The following CD74 variants were observed in gnomAD, a reference collection of about 807,000 sequenced individuals.
The protein encoded by CD74 is HLA class II histocompatibility antigen gamma chain.
A neutral mutation model predicts 37.1 loss-of-function variants in CD74; 20 were observed. The ratio of observed to expected loss-of-function variants is 0.54; its 90% CI spans 0.38 to 0.78. CD74 has a LOEUF of 0.78. CD74 is among the 30% of genes least tolerant of loss of function. The pLI, the probability that CD74 is intolerant of heterozygous loss-of-function variation, is 0.00. For missense variants in CD74, 338 were observed against 389.5 expected (o/e 0.87, Z 1.11); for synonymous variants, 150 against 152.0 (o/e 0.99, Z 0.10).
In CD74 at chr5:150,404,719, G is replaced by C; in HGVS notation, c.586C>G (p.His196Asp). 2 of 1,588,202 alleles carry C rather than the reference G, an allele frequency of 1.3e-6. No individual in the cohort carries two copies. Among genetic ancestry groups the C allele is most frequent in the Non-Finnish European group, 1.7e-6 (2 of 1,166,864 alleles). Residue 196 changes from histidine to aspartate, a missense_variant, in exon 6 of 9, where the codon CAC becomes GAC. Physicochemically the swap from His to Asp is moderately conservative, Grantham distance 81 (BLOSUM62 -1). Transcript: ENST00000009530. ...HHWLLFEMSR[H>D]SLEQKPTDAP... ...TCAGTGGGCTTTTGCTCCAAGGAGT[G>C]CCTGCTCATTTCAAACAGGAGCCAA... is the stretch of plus-strand genomic sequence containing the variant.
At chr5:150,409,017 C>G (rs1160831338) in intron 1 of CD74, among the ~76,000 whole-genome samples, 1 of 152,078 alleles carries the variant, frequency 6.6e-6, no homozygotes, top group Non-Finnish European at 1.5e-5. Context: ...GCCAGGAGTT[C>G]GAGACCAGTC....
chr5:150,402,684 G>T lies in CD74; in HGVS notation c.818-59C>A. ...AAGTGCAGCCTACCTGACCCAAGAT[G>T]CCTGAGGGCAGTGCTTCCCACCTAG... is the stretch of plus-strand genomic sequence containing the variant. On this transcript the variant is annotated intron_variant, in intron 7 of 8. Transcript: ENST00000009530. The surrounding 1 kb of genome is among the most constrained non-coding windows in gnomAD (Gnocchi z 4.2). The T allele has an allele frequency of 1.4e-6, 2 of 1,446,706 alleles. No individual in the cohort carries two copies. Among genetic ancestry groups the T allele is most frequent in the East Asian group, 2.3e-5 (1 of 43,784 alleles). The allele number at this position is 1,446,706 out of a possible 1,614,324, so 89.6% of individuals were successfully genotyped here.
In CD74 at chr5:150,412,664, T is replaced by C. The variant is rs1348830130; in HGVS notation, c.86A>G (p.Gln29Arg). 6.2e-7 allele frequency: 1 copy of C among 1,614,022 alleles called. No individual in the cohort carries two copies. ...AGGGCGCCGGCCCAGCATGGGCAGT[T>C]GCTCATTGTTGGAGATAAGGTCGCG... ...DQRDLISNNEQLPMLGRRPGA... is the reference protein window; with the variant it reads ...DQRDLISNNERLPMLGRRPGA... The change falls in exon 1 of 9, where the codon CAA (glutamine) becomes CGA (arginine). Residue 29 changes from glutamine to arginine, a missense_variant. Transcript: ENST00000009530.
At position 150,406,281 on chromosome 5, in the gene CD74, T is replaced by G; in HGVS notation, c.419A>C (p.Asp140Ala). 6.2e-7 allele frequency: 1 copy of G among 1,613,906 alleles called. No homozygotes were observed. Among genetic ancestry groups the G allele is most frequent in the Non-Finnish European group, 8.5e-7 (1 of 1,179,902 alleles). Residue 140 changes from aspartate to alanine, a missense_variant, in exon 4 of 9, where the codon GAC becomes GCC. Transcript: ENST00000009530. ...CACCTGGAGCAGGTGCATCACATGGTCCTCTGTCATGTTGCCATACTTGGT... is the reference window on the plus strand; with the variant it reads ...CACCTGGAGCAGGTGCATCACATGGGCCTCTGTCATGTTGCCATACTTGGT... Reference protein sequence around the residue: ...NATKYGNMTEDHVMHLLQNAD... With the variant: ...NATKYGNMTEAHVMHLLQNAD...
rs771012514 is a variant in CD74, at chr5:150,412,688, C to T, written c.62G>A (p.Arg21His). 1.6e-5 allele frequency: 26 copies of T among 1,613,962 alleles called. No individual in the cohort carries two copies. Among genetic ancestry groups the T allele is most frequent in the Non-Finnish European group, 2.0e-5 (24 of 1,180,014 alleles). ...EDQKPVMDDQ[R>H]DLISNNEQLP... ...TTGCTCATTGTTGGAGATAAGGTCGCGCTGGTCATCCATGACTGGCTTCTG... is the reference window on the plus strand; with the variant it reads ...TTGCTCATTGTTGGAGATAAGGTCGTGCTGGTCATCCATGACTGGCTTCTG... Residue 21 changes from arginine to histidine, a missense_variant, in exon 1 of 9, where the codon CGC (arginine) becomes CAC (histidine). Arg to His is a conservative substitution (Grantham distance 29). Transcript: ENST00000009530.
At chr5:150,404,169 T>C (rs1370738934) in intron 6 of CD74, among the ~76,000 whole-genome samples, 1 of 152,204 alleles carries the variant, frequency 6.6e-6, no homozygotes, top group Non-Finnish European at 1.5e-5. Flanking sequence ...TGTCCAAAGT[T>C]ACATAGCAAA....
rs1769689830 is a variant in CD74 at position 150,402,452 on chromosome 5, A to C, written c.880+111T>G. The C allele has an allele frequency of 9.8e-7, 1 of 1,019,958 alleles. No homozygotes were observed. Among genetic ancestry groups the C allele is most frequent in the African/African-American group, 1.6e-5 (1 of 63,544 alleles). 63.2% of individuals were successfully genotyped at this position (1,019,958 alleles called of 1,614,324 possible). On this transcript the variant is annotated intron_variant, in intron 8 of 8. Transcript: ENST00000009530. The surrounding 1 kb of genome is among the most constrained non-coding windows in gnomAD (Gnocchi z 4.2). Reference sequence around the variant, plus strand: ...CCTTCGTCTGTGAAATGGACATCCCAGGAATGTTGGAGAGTGGCCCAGCGT... The same window carrying C: ...CCTTCGTCTGTGAAATGGACATCCCCGGAATGTTGGAGAGTGGCCCAGCGT...
rs1030788770 is a variant in CD74, at chr5:150,402,855, C to T, written c.818-230G>A. On this transcript the variant is annotated intron_variant, in intron 7 of 8. Coordinates refer to ENST00000009530, the MANE Select transcript of CD74 (RefSeq NM_001025159.3). The surrounding 1 kb of genome is among the most constrained non-coding windows in gnomAD (Gnocchi z 4.2). ...AGGACTCCTGGATGCTAGAGGATGGCGCGTGGATGGATGAAATTCACAGAT... is the reference window on the plus strand; with the variant it reads ...AGGACTCCTGGATGCTAGAGGATGGTGCGTGGATGGATGAAATTCACAGAT... Among the ~76,000 whole-genome samples the T allele has an allele frequency of 2.6e-5, 4 of 152,062 alleles. No homozygotes were observed. The highest frequency in any genetic ancestry group is 4.8e-5 in the African/African-American group (2 of 41,382).
Position 150,407,051 on chromosome 5 carries a change from G to A in CD74, c.299-91C>T, listed in dbSNP as rs552398847. Reference sequence around the variant, plus strand: ...TGAGGAAGGGCTGGAATTCCAAACCGGAGGGAGAGGACAGTGGGCCCAGCT... The same window carrying A: ...TGAGGAAGGGCTGGAATTCCAAACCAGAGGGAGAGGACAGTGGGCCCAGCT... On this transcript the variant is annotated intron_variant, in intron 2 of 8. Transcript: ENST00000009530. The surrounding 1 kb of genome is among the most constrained non-coding windows in gnomAD (Gnocchi z 4.4). The A allele has an allele frequency of 9.3e-5, 143 of 1,537,242 alleles. No individual in the cohort carries two copies. Among genetic ancestry groups the A allele is most frequent in the South Asian group, 2.9e-4 (25 of 86,340 alleles).
At chr5:150,406,595 C>A (rs1035623703) in intron 3 of CD74, 8 of 589,630 alleles carry the variant, frequency 1.4e-5, no homozygotes, top group Non-Finnish European at 2.4e-5. Flanking sequence ...TGCATGATAG[C>A]AAGGTCTTTG....
intron 1 of CD74, among the ~76,000 whole-genome samples, chr5:150,410,871 G>A (rs111419458): frequency 6.6e-6 from 1 of 152,112 alleles, no homozygotes; most frequent in African/African-American, 2.4e-5. Context: ...ATTAGACAAG[G>A]GGACATGCAC....
At position 150,402,179 on chromosome 5, in the gene CD74, G is replaced by T. The variant is rs1769661088; in HGVS notation, c.*61C>A. 6.3e-7 allele frequency: 1 copy of T among 1,578,044 alleles called. No individual in the cohort carries two copies. Among genetic ancestry groups the T allele is most frequent in the Non-Finnish European group, 8.6e-7 (1 of 1,161,592 alleles). On this transcript the variant is annotated 3_prime_UTR_variant, in exon 9 of 9. Coordinates refer to ENST00000009530, the MANE Select transcript of CD74 (RefSeq NM_001025159.3). The surrounding 1 kb of genome is among the most constrained non-coding windows in gnomAD (Gnocchi z 4.2). ...ATGGGGGAGGGGCTGGGGGCTGAAG[G>T]GAGCAAGAAAGCTGTAGCTGTGTGG...
At position 150,402,585 on chromosome 5, in the gene CD74, C is replaced by T; in HGVS notation, c.858G>A (p.Val286=). ...TACCTGGGCCCAGATCCTGCTTGGTCACACCCAGCCCAGAAGACGGGTCCT... is the reference window on the plus strand; with the variant it reads ...TACCTGGGCCCAGATCCTGCTTGGTTACACCCAGCCCAGAAGACGGGTCCT... ...ELEDPSSGLG[V]TKQDLGPVPM is the part of the protein sequence containing the mutation. Residue 286 remains valine (V), a synonymous_variant, in exon 8 of 9, where the codon GTG becomes GTA. Transcript: ENST00000009530. This position sits in a 1 kb window ranked among gnomAD's most constrained non-coding sequence, Gnocchi z 4.2. The T allele has an allele frequency of 1.2e-6, 2 of 1,613,912 alleles. No homozygotes were observed. Among genetic ancestry groups the T allele is most frequent in the African/African-American group, 1.3e-5 (1 of 75,050 alleles).
rs1561551892 is a variant in CD74 at position 150,405,157 on chromosome 5, G to A, written c.465C>T (p.Tyr155=). The change falls in exon 5 of 9, where the codon TAC becomes TAT. Residue 155 remains tyrosine (Y), a synonymous_variant. Coordinates refer to ENST00000009530, the MANE Select transcript of CD74 (RefSeq NM_001025159.3). ...LLQNADPLKV[Y]PPLKGSFPEN... is the part of the protein sequence containing the mutation. ...CCGGGAAGCTCCCCTTCAGTGGCGG[G>A]TACACCTTCAGGGGGTCAGCATTCT... 1 of 1,609,672 alleles carries A rather than the reference G, an allele frequency of 6.2e-7. No homozygotes were observed.
At chr5:150,404,656 C>T (rs763894850) in intron 6 of CD74, 24 bp downstream of exon 6, 24 of 1,502,624 alleles carry the variant, frequency 1.6e-5, no homozygotes, top group Middle Eastern at 1.8e-4. Context: ...AGCCCTGGCA[C>T]GCTAAAGCTC....
At position 150,412,795 on chromosome 5, in the gene CD74, G is replaced by A. The variant is rs1770428300; in HGVS notation, c.-46C>T. ...CTCGCCTCTTAAAGTCGGTGCTGGA[G>A]AGGAATCTGATTCGTCCACAGAAGG... is the stretch of plus-strand genomic sequence containing the variant. On this transcript the variant is annotated 5_prime_UTR_variant, in exon 1 of 9. Coordinates refer to ENST00000009530, the MANE Select transcript of CD74 (RefSeq NM_001025159.3). 1 of 1,611,326 alleles carries A rather than the reference G, an allele frequency of 6.2e-7. No homozygotes were observed. Among genetic ancestry groups the A allele is most frequent in the African/African-American group, 1.3e-5 (1 of 74,916 alleles).
rs1770065706 is a variant in CD74, at chr5:150,407,704, GA to G, written c.126-381del. On this transcript the variant is annotated intron_variant, in intron 1 of 8. Transcript: ENST00000009530. This position sits in a 1 kb window ranked among gnomAD's most constrained non-coding sequence, Gnocchi z 4.4. ...GCTCCCTTTGCCGTGCGGATCTCCT[GA>G]TGATCAGGGCTGCCCTCAAGGGGAA... 6.6e-6 allele frequency among the ~76,000 whole-genome samples: 1 copy of G among 152,134 alleles called. No individual in the cohort carries two copies. The highest frequency in any genetic ancestry group is 2.1e-4 in the South Asian group (1 of 4,826).
rs1769728682 is a variant in CD74, at chr5:150,402,988, A to G, written c.817+133T>C. 3 of 694,310 alleles carry G rather than the reference A, an allele frequency of 4.3e-6. No homozygotes were observed. The highest frequency in any genetic ancestry group is 7.3e-6 in the Non-Finnish European group (3 of 409,778). The allele number at this position is 694,310 out of a possible 1,614,324, so 43.0% of individuals were successfully genotyped here. The stretch of plus-strand genomic sequence containing the variant: ...GGTGGATGGATAAAGGGCTGGACGC[A>G]TGACTACGTCACTGCCCCCAGGAGC... On this transcript the variant is annotated intron_variant, in intron 7 of 8. Transcript: ENST00000009530. This position sits in a 1 kb window ranked among gnomAD's most constrained non-coding sequence, Gnocchi z 4.2.
intron 1 of CD74, among the ~76,000 whole-genome samples, chr5:150,409,700 A>G (rs1770215143): frequency 8.2e-6 from 1 of 122,284 alleles, no homozygotes; most frequent in Non-Finnish European, 1.8e-5. Context: ...CTCAAAAAAC[A>G]TAACAAAAAA....
Sources: gnomAD v4.1 joint callset for allele counts (sites outside exome capture counted in the v4.1 genomes callset) on GRCh38, gnomAD v4.1.1 for gene constraint, Gnocchi (gnomAD v3.1) non-coding constraint, MANE v1.5 for transcripts, NCBI Gene and HGNC (gene_info 2026-07-23, HGNC 2026-07-21) for gene names.